The following OR2M3 variants were observed in gnomAD, a reference collection of about 807,000 sequenced individuals.
OR2M3 encodes olfactory receptor 2M3.
OR2M3 carries 1 observed loss-of-function variant against 4.3 expected under a neutral mutation model. The ratio of observed to expected loss-of-function variants is 0.23; its 90% confidence interval spans 0.08 to 1.11. OR2M3 has a LOEUF of 1.11. Among genes scored for constraint, OR2M3 ranks in the 50% most tolerant of loss-of-function variants. The pLI, the probability that OR2M3 is intolerant of heterozygous loss-of-function variation, is 0.54. For synonymous variants in OR2M3, 151 were observed against 139.4 expected, an observed-to-expected ratio of 1.08 and a Z score of -0.59; for missense variants, 410 against 390.4, an observed-to-expected ratio of 1.05 and a Z score of -0.42.
chr1:248,202,309 A>G (rs78084888), intron 1 of OR2M3, among the ~76,000 whole-genome samples: 5,355 of 151,896 alleles, frequency 0.035, 338 homozygotes, highest in African/African-American at 0.12. Context: ...TTGCATGGCC[A>G]CCCTCTTATC....
At chr1:248,198,550 G>A (rs544767328) in intron 1 of OR2M3, among the ~76,000 whole-genome samples, 1 of 152,204 alleles carries the variant, frequency 6.6e-6, no homozygotes, top group East Asian at 1.9e-4. Flanking sequence ...AACCTCAGTG[G>A]ATTACACAGT....
Position 248,206,847 on chromosome 1 carries a change from T to C in OR2M3, c.*2841T>C, listed in dbSNP as rs1365917278. ...GCTCCACAGAATGATTTACAAAGGA[T>C]TCCCTCTTTATCCTTTGGAATAGTG... On this transcript the variant is annotated 3_prime_UTR_variant, in exon 2 of 2. Transcript: ENST00000641626. 6.6e-6 allele frequency: 1 copy of C among 152,050 alleles called. No homozygotes were observed. Among genetic ancestry groups the C allele is most frequent in the Admixed American group, 6.6e-5 (1 of 15,256 alleles). The allele number at this position is 152,050 out of a possible 1,614,324, so 9.4% of individuals were successfully genotyped here. A position where few individuals can be genotyped will look rare whatever the true frequency, so the allele number is the denominator to read the frequency against.
Position 248,211,932 on chromosome 1 carries a change from A to T in OR2M3, c.*7926A>T, listed in dbSNP as rs529648894. The T allele has an allele frequency of 1.5e-3, 226 of 152,282 alleles. 2 individuals are homozygous for T. Among genetic ancestry groups the T allele is most frequent in the African/African-American group, 5.3e-3 (220 of 41,546 alleles). The allele number at this position is 152,282 out of a possible 1,614,324, so 9.4% of individuals were successfully genotyped here. ...TATTATTGATTCACAAGAGAATCAA[A>T]TTTTTCTAAAATTGGTCAATTGTTT... On this transcript the variant is annotated 3_prime_UTR_variant, in exon 2 of 2. Coordinates refer to ENST00000641626, the MANE Select transcript of OR2M3 (RefSeq NM_001004689.2).
intron 1 of OR2M3, among the ~76,000 whole-genome samples, chr1:248,199,677 T>C (rs1402102383): frequency 6.6e-6 from 1 of 152,066 alleles, no homozygotes; most frequent in African/African-American, 2.4e-5. Flanking sequence ...ATTGAATAAA[T>C]ATTCACATGG....
At position 248,209,135 on chromosome 1, in the gene OR2M3, A is replaced by G. The variant is rs1235284575; in HGVS notation, c.*5129A>G. The G allele has an allele frequency of 6.6e-6, 1 of 151,904 alleles. No individual in the cohort carries two copies. Among genetic ancestry groups the G allele is most frequent in the African/African-American group, 2.4e-5 (1 of 41,328 alleles). The allele number at this position is 151,904 out of a possible 1,614,324, so 9.4% of individuals were successfully genotyped here. On this transcript the variant is annotated 3_prime_UTR_variant, in exon 2 of 2. Transcript: ENST00000641626. ...GGTGAGAATTTCCAGTGCATTTCAC[A>G]TTTCTCTAAGTGTGTCCTTGATTTT...
chr1:248,210,903 G>A lies in OR2M3; in HGVS notation c.*6897G>A, dbSNP rs1666275365. The A allele has an allele frequency of 6.6e-6, 1 of 151,998 alleles. No individual in the cohort carries two copies. Among genetic ancestry groups the A allele is most frequent in the Non-Finnish European group, 1.5e-5 (1 of 68,096 alleles). The allele number at this position is 151,998 out of a possible 1,614,324, so 9.4% of individuals were successfully genotyped here. A position where few individuals can be genotyped will look rare whatever the true frequency, so the allele number is the denominator to read the frequency against. ...TTGTTGCTCACACAAAGCCTGTTTG[G>A]TGGTCTCTTCACATGGACACTTGAG... On this transcript the variant is annotated 3_prime_UTR_variant, in exon 2 of 2. Coordinates refer to ENST00000641626, the MANE Select transcript of OR2M3 (RefSeq NM_001004689.2).
At position 248,203,031 on chromosome 1, in the gene OR2M3, G is replaced by C. The variant is rs377079998; in HGVS notation, c.-18-19G>C. 32 of 1,568,658 alleles carry C rather than the reference G, an allele frequency of 2.0e-5. No individual in the cohort carries two copies. In the South Asian group the frequency reaches 3.3e-4, roughly 16 times the overall value. ...GAGTAAAGTTTTACCAAATTAATAC[G>C]CTGGTTTTGTGGTACTAGGTAAAAA... On this transcript the variant is annotated intron_variant, in intron 1 of 1. Transcript: ENST00000641626.
chr1:248,205,307 C>G lies in OR2M3; in HGVS notation c.*1301C>G, dbSNP rs1666213272. ...GGTCTTTAGTTTAATTAGTTCCCAG[C>G]TATTTATCTTTGTTTTTATTGCATT... On this transcript the variant is annotated 3_prime_UTR_variant, in exon 2 of 2. Coordinates refer to ENST00000641626, the MANE Select transcript of OR2M3 (RefSeq NM_001004689.2). 1 of 151,894 alleles carries G rather than the reference C, an allele frequency of 6.6e-6. No individual in the cohort carries two copies. The highest frequency in any genetic ancestry group is 2.1e-4 in the South Asian group (1 of 4,824). The allele number at this position is 151,894 out of a possible 1,614,324, so 9.4% of individuals were successfully genotyped here.
Position 248,205,518 on chromosome 1 carries a change from A to C in OR2M3, c.*1512A>C, listed in dbSNP as rs1240517813. The C allele has an allele frequency of 3.3e-5, 5 of 152,102 alleles. No individual in the cohort carries two copies. The highest frequency in any genetic ancestry group is 7.4e-5 in the Non-Finnish European group (5 of 68,000). 9.4% of individuals were successfully genotyped at this position (152,102 alleles called of 1,614,324 possible). ...TTCATTCTTCTACATGTGGCCTGTCAGTTAGCCCAGCACCATTTGTTGAAT... is the reference window on the plus strand; with the variant it reads ...TTCATTCTTCTACATGTGGCCTGTCCGTTAGCCCAGCACCATTTGTTGAAT... On this transcript the variant is annotated 3_prime_UTR_variant, in exon 2 of 2. Coordinates refer to ENST00000641626, the MANE Select transcript of OR2M3 (RefSeq NM_001004689.2).
At chr1:248,200,880 C>G (rs1666149900) in intron 1 of OR2M3, among the ~76,000 whole-genome samples, 2 of 152,100 alleles carry the variant, frequency 1.3e-5, no homozygotes, top group African/African-American at 4.8e-5. Context: ...GGCCAAATTC[C>G]AGATTCCGTC....
chr1:248,211,067 T>G lies in OR2M3; in HGVS notation c.*7061T>G, dbSNP rs1666277040. 1 of 152,218 alleles carries G rather than the reference T, an allele frequency of 6.6e-6. No homozygotes were observed. The highest frequency in any genetic ancestry group is 1.5e-5 in the Non-Finnish European group (1 of 68,040). 9.4% of individuals were successfully genotyped at this position (152,218 alleles called of 1,614,324 possible). A position where few individuals can be genotyped will look rare whatever the true frequency, so the allele number is the denominator to read the frequency against. ...TATGCACCAAGGTAGCAAACAAATC[T>G]TCTTTTCCCAGGGTATAAACTCAAA... On this transcript the variant is annotated 3_prime_UTR_variant, in exon 2 of 2. Coordinates refer to ENST00000641626, the MANE Select transcript of OR2M3 (RefSeq NM_001004689.2).
At position 248,212,835 on chromosome 1, in the gene OR2M3, T is replaced by G. The variant is rs1666295679; in HGVS notation, c.*8829T>G. 6.6e-6 allele frequency: 1 copy of G among 152,026 alleles called. No homozygotes were observed. The highest frequency in any genetic ancestry group is 6.6e-5 in the Admixed American group (1 of 15,248). The allele number at this position is 152,026 out of a possible 1,614,324, so 9.4% of individuals were successfully genotyped here. ...TTACAACATCCTATGTGAACTCATT[T>G]CTCTTTTGAACTCACTGTTACTAAT... On this transcript the variant is annotated 3_prime_UTR_variant, in exon 2 of 2. Transcript: ENST00000641626.
intron 1 of OR2M3, among the ~76,000 whole-genome samples, chr1:248,198,724 C>T (rs1046494041): frequency 6.6e-6 from 1 of 152,094 alleles, no homozygotes; most frequent in African/African-American, 2.4e-5. Flanking sequence ...TAGAGTATCA[C>T]AGTGTCATGA....
chr1:248,206,270 A>G lies in OR2M3; in HGVS notation c.*2264A>G, dbSNP rs1304240253. 1 of 151,880 alleles carries G rather than the reference A, an allele frequency of 6.6e-6. No homozygotes were observed. The highest frequency in any genetic ancestry group is 1.5e-5 in the Non-Finnish European group (1 of 67,912). 9.4% of individuals were successfully genotyped at this position (151,880 alleles called of 1,614,324 possible). A position where few individuals can be genotyped will look rare whatever the true frequency, so the allele number is the denominator to read the frequency against. ...ACAGCGACAGTTTTCCTTTCTCTTT[A>G]CCATTTTGGATGTCCTTTATTTCTT... is the stretch of plus-strand genomic sequence containing the variant. On this transcript the variant is annotated 3_prime_UTR_variant, in exon 2 of 2. Transcript: ENST00000641626.
In OR2M3 at chr1:248,198,658, C is replaced by A. The variant is rs61712300; in HGVS notation, c.-19+1357C>A. On this transcript the variant is annotated intron_variant, in intron 1 of 1. Coordinates refer to ENST00000641626, the MANE Select transcript of OR2M3 (RefSeq NM_001004689.2). The stretch of plus-strand genomic sequence containing the variant: ...TTTCCATCATCTCCCTCAGTGACTT[C>A]TCAATTTCTCAACAAGATTTTCATG... 6.2e-3 allele frequency among the ~76,000 whole-genome samples: 943 copies of A among 152,248 alleles called. 12 individuals are homozygous for A. Among genetic ancestry groups the A allele is most frequent in the African/African-American group, 0.021 (882 of 41,544 alleles).
rs958900202 is a variant in OR2M3 at position 248,209,006 on chromosome 1, G to C, written c.*5000G>C. 4.6e-5 allele frequency: 7 copies of C among 152,062 alleles called. No individual in the cohort carries two copies. Among genetic ancestry groups the C allele is most frequent in the Admixed American group, 2.0e-4 (3 of 15,264 alleles). The allele number at this position is 152,062 out of a possible 1,614,324, so 9.4% of individuals were successfully genotyped here. A position where few individuals can be genotyped will look rare whatever the true frequency, so the allele number is the denominator to read the frequency against. On this transcript the variant is annotated 3_prime_UTR_variant, in exon 2 of 2. Transcript: ENST00000641626. ...TTGACATAGTATCAAACTTCTTGGA[G>C]GCTTTGTTTTTAGGTTTTTTTTCTT... is the stretch of plus-strand genomic sequence containing the variant.
At chr1:248,202,630 T>C (rs906912352) in intron 1 of OR2M3, among the ~76,000 whole-genome samples, 3 of 152,160 alleles carry the variant, frequency 2.0e-5, no homozygotes, top group Non-Finnish European at 4.4e-5. Flanking sequence ...TACTATTATG[T>C]GAGCAAAGGC....
At chr1:248,200,018 T>C (rs1666138285) in intron 1 of OR2M3, among the ~76,000 whole-genome samples, 1 of 152,124 alleles carries the variant, frequency 6.6e-6, no homozygotes, top group Non-Finnish European at 1.5e-5. Context: ...GGAGTAGAAT[T>C]ATTCAACATT....
At chr1:248,201,518 A>C (rs1329480935) in intron 1 of OR2M3, among the ~76,000 whole-genome samples, 9 of 152,050 alleles carry the variant, frequency 5.9e-5, no homozygotes, top group Admixed American at 5.9e-4. Flanking sequence ...ATATGTATAC[A>C]TGTGCCATGC....
Sources: gnomAD v4.1 joint callset for allele counts (sites outside exome capture counted in the v4.1 genomes callset) on GRCh38, gnomAD v4.1.1 for gene constraint, MANE v1.5 for transcripts, NCBI Gene and HGNC (gene_info 2026-07-23, HGNC 2026-07-21) for gene names.